NBPF12: variants seen among roughly 807,000 people sequenced by gnomAD.
NBPF12 encodes NBPF family member NBPF12.
NBPF12 carries 115 observed loss-of-function variants against 146.4 expected under a neutral mutation model. That is an observed-to-expected ratio of 0.79 (90% CI 0.68 to 0.92). The LOEUF (loss-of-function observed/expected upper bound fraction) is 0.92, where lower values mean the gene tolerates loss of function less well. Among genes scored for constraint, NBPF12 ranks in the 40% least tolerant of loss-of-function variants. The pLI is 0.00. For synonymous variants in NBPF12, 385 were observed against 508.9 expected, an observed-to-expected ratio of 0.76 and a Z score of 3.28; for missense variants, 1,205 against 1,326.8, an observed-to-expected ratio of 0.91 and a Z score of 1.43.
At chr1:146,962,022 G>T (rs1655882533) in intron 4 of NBPF12, 139 bp from the exon 8 acceptor site, 1 of 711,702 alleles carries the variant, frequency 1.4e-6, no homozygotes, top group African/African-American at 1.8e-5. Context: ...GAAGAGTAAA[G>T]ATGTGGAAAT....
chr1:146,975,530 C>G (rs1656936563), intron 15 of NBPF12, 147 bp from the exon 19 acceptor site: 2 of 597,454 alleles, frequency 3.3e-6, no homozygotes, highest in Admixed American at 3.0e-5. Flanking sequence ...TATTCTTTCT[C>G]TTGGCCACAG....
At position 146,958,031 on chromosome 1, in the gene NBPF12, C is replaced by CGT. The variant is rs1457194539; in HGVS notation, c.-183-1825_-183-1824dup. 3.5e-5 allele frequency among the ~76,000 whole-genome samples: 4 copies of CGT among 112,910 alleles called. 1 individual carries two copies. Among genetic ancestry groups the CGT allele is most frequent in the Non-Finnish European group, 5.6e-5 (3 of 53,484 alleles). 74.1% of individuals were successfully genotyped at this position (112,910 alleles called of 152,430 possible). A position where few individuals can be genotyped will look rare whatever the true frequency, so the allele number is the denominator to read the frequency against. ...TGTATATATAAATAATACATATACA[C>CGT]GTGTATATATATTATATACATATAC... On this transcript the variant is annotated intron_variant, in intron 2 of 33. Coordinates refer to ENST00000617844, the Ensembl canonical transcript of NBPF12.
intron 2 of NBPF12, among the ~76,000 whole-genome samples, chr1:146,954,784 T>C (rs1655490800): frequency 6.7e-6 from 1 of 148,186 alleles, no homozygotes; most frequent in South Asian, 2.1e-4. Flanking sequence ...GAAAAAAAAA[T>C]AGAATATATA....
At chr1:146,967,693 G>T (rs1370826512) in intron 9 of NBPF12, among the ~76,000 whole-genome samples, 1 of 149,754 alleles carries the variant, frequency 6.7e-6, no homozygotes, top group Non-Finnish European at 1.5e-5. Context: ...CATCCAAGGT[G>T]CTTGTCTTGT....
chr1:146,948,256 C>T (rs1308428495), upstream of NBPF12, among the ~76,000 whole-genome samples: 14 of 151,434 alleles, frequency 9.2e-5, no homozygotes, highest in Admixed American at 9.2e-4. Context: ...AGTGATCCAC[C>T]TGCTTGGCCT....
At chr1:146,962,894 G>C (rs1418666340) in intron 5 of NBPF12, among the ~76,000 whole-genome samples, 1 of 151,276 alleles carries the variant, frequency 6.6e-6, no homozygotes, top group Non-Finnish European at 1.5e-5. Context: ...CGAGGATCTT[G>C]CAGGAGCCCT....
chr1:146,977,325 T>G, intron 17 of NBPF12, 141 bp from the exon 21 acceptor site: 1 of 1,104,408 alleles, frequency 9.1e-7, no homozygotes, highest in Non-Finnish European at 1.3e-6. Flanking sequence ...CAGGATTGCA[T>G]GTTCCCTCTT....
At chr1:146,969,877 G>A (rs1656470525) in intron 11 of NBPF12, among the ~76,000 whole-genome samples, 1 of 150,978 alleles carries the variant, frequency 6.6e-6, no homozygotes, top group South Asian at 2.1e-4. Context: ...GGCTGTGATG[G>A]GAGGGCGCTT....
intron 19 of NBPF12, among the ~76,000 whole-genome samples, chr1:146,982,476 A>G (rs1300513536): frequency 1.3e-5 from 2 of 151,328 alleles, no homozygotes; most frequent in Non-Finnish European, 2.9e-5. Context: ...TTTTTGCAAG[A>G]AAAGAAATTG....
exon 14 of NBPF12, chr1:146,972,932 CTTCCTG>C (rs1431271690): frequency 2.1e-6 from 2 of 949,874 alleles, no homozygotes; most frequent in African/African-American, 3.2e-5. Context: ...AAGTGGCCTG[CTTCCTG>C]GCCAAGCAGC....
rs1187851699 is a variant in NBPF12, at chr1:146,971,100, T to G, written c.1380-83T>G. 49 of 1,593,666 alleles carry G rather than the reference T, an allele frequency of 3.1e-5. 1 individual carries two copies. The East Asian group carries it at 1.0e-3, about 33-fold the overall frequency. On this transcript the variant is annotated intron_variant, in intron 12 of 33. Coordinates refer to ENST00000617844, the Ensembl canonical transcript of NBPF12. ...TCTGGGACCACTCTCTTAATGCCGC[T>G]TGTCAAAACCAGCTAGGACTCCTTG...
At position 146,970,676 on chromosome 1, in the gene NBPF12, C is replaced by T. The variant is rs1553886259; in HGVS notation, c.1336C>T (p.Gln446Ter). 26,507 of 1,465,832 alleles carry T rather than the reference C, an allele frequency of 0.018. 487 individuals are homozygous for T. The highest frequency in any genetic ancestry group is 0.02 in the South Asian group (1,798 of 87,838). 90.8% of individuals were successfully genotyped at this position (1,465,832 alleles called of 1,614,324 possible). Residue 446 changes from glutamine (Q) to a stop codon, truncating the protein, a stop_gained, in exon 12 of 34, where the codon CAA becomes TAA. Transcript: ENST00000617844. LOFTEE classifies it high-confidence loss of function. ...TGATGAAGATGAGGATGAAGATGTT[C>T]AAGTTGAGGAGGATGAGAAAGTGCT...
At chr1:146,981,293 AAATAT>A (rs1463142781) in intron 19 of NBPF12, among the ~76,000 whole-genome samples, 2 of 106,988 alleles carry the variant, frequency 1.9e-5, no homozygotes, top group South Asian at 2.7e-4. Context: ...AAAAAAAAAA[AAATAT>A]ATATATATAT....
At chr1:146,972,087 A>C (rs1553886566) in intron 13 of NBPF12, among the ~76,000 whole-genome samples, 75,079 of 112,668 alleles carry the variant, frequency 0.67, 22,215 homozygotes, top group East Asian at 0.85. Context: ...GACTCCATCT[A>C]AAAAAAAAAA....
At chr1:146,942,487 A>G (rs879723059) in intron 1 of NBPF12, among the ~76,000 whole-genome samples, 43 of 151,208 alleles carry the variant, frequency 2.8e-4, no homozygotes, top group African/African-American at 7.1e-4. Flanking sequence ...ACTTGACCTC[A>G]CCTGGCATGA....
intron 19 of NBPF12, among the ~76,000 whole-genome samples, chr1:146,981,484 G>A (rs1657389605): frequency 6.6e-6 from 1 of 151,288 alleles, no homozygotes. Context: ...GCTGCCCTTA[G>A]CATTTTTTCC....
exon 22 of NBPF12, chr1:146,984,958 C>T (rs1440756467): frequency 4.8e-5 from 65 of 1,345,354 alleles, no homozygotes; most frequent in South Asian, 4.8e-4. Context: ...GGAGCAACAG[C>T]GTGTTGGCTT....
chr1:146,947,194 C>T (rs1342066316), upstream of NBPF12, among the ~76,000 whole-genome samples: 23 of 151,690 alleles, frequency 1.5e-4, no homozygotes, highest in Non-Finnish European at 2.9e-4. Context: ...GTGTAAGATT[C>T]CCCCTTAGTC....
chr1:146,961,910 G>A (rs2101846999), intron 4 of NBPF12, among the ~76,000 whole-genome samples: 1 of 152,224 alleles, frequency 6.6e-6, no homozygotes, highest in Admixed American at 6.5e-5. Context: ...ACTCCACTTC[G>A]TGGTGGTTGA....
Sources: gnomAD v4.1 joint callset for allele counts (sites outside exome capture counted in the v4.1 genomes callset) on GRCh38, gnomAD v4.1.1 for gene constraint, MANE v1.5 for transcripts, NCBI Gene and HGNC (gene_info 2026-07-23, HGNC 2026-07-21) for gene names.